Variants in TENM2 observed in about 807,000 individuals in gnomAD.
TENM2 encodes teneurin-2.
Under a neutral mutation model 245.2 loss-of-function variants are expected in TENM2, and 52 were observed. That is an observed-to-expected ratio of 0.21 (90% CI 0.17 to 0.27). The LOEUF (loss-of-function observed/expected upper bound fraction) is 0.27, where lower values mean the gene tolerates loss of function less well. Ranked by LOEUF, TENM2 falls within the 10% of genes least tolerant of loss-of-function variation. TENM2 has a pLI of 1.00. For synonymous variants in TENM2, 1,363 were observed against 1,438.9 expected, an observed-to-expected ratio of 0.95 and a Z score of 1.19; for missense variants, 3,046 against 3,666.8, an observed-to-expected ratio of 0.83 and a Z score of 4.37.
intron 2 of TENM2, among the ~76,000 whole-genome samples, chr5:167,830,247 G>A (rs917007528): frequency 3.3e-5 from 5 of 152,202 alleles, no homozygotes; most frequent in Non-Finnish European, 7.3e-5. Flanking sequence ...CTATTAGAGT[G>A]AGATGTGTTT....
chr5:168,212,840 C>T (rs1006656358), intron 20 of TENM2, among the ~76,000 whole-genome samples: 1 of 152,182 alleles, frequency 6.6e-6, no homozygotes, highest in Non-Finnish European at 1.5e-5. Context: ...ACGTGAGTTT[C>T]TCTGCAAGCA....
intron 2 of TENM2, among the ~76,000 whole-genome samples, chr5:167,833,380 A>G (rs892388927): frequency 5.9e-5 from 9 of 152,216 alleles, no homozygotes; most frequent in African/African-American, 2.2e-4. Flanking sequence ...AGACTCAACC[A>G]GAAGTGTGTC....
intron 2 of TENM2, among the ~76,000 whole-genome samples, chr5:167,637,984 A>T (rs982874247): frequency 6.6e-6 from 1 of 151,998 alleles, no homozygotes; most frequent in African/African-American, 2.4e-5. Flanking sequence ...TAAAAAAAAA[A>T]AAATATTAGA....
At chr5:167,382,245 T>C (rs1254448577) in intron 2 of TENM2, among the ~76,000 whole-genome samples, 2 of 152,188 alleles carry the variant, frequency 1.3e-5, no homozygotes, top group East Asian at 3.9e-4. Flanking sequence ...AAAATGACTT[T>C]GTGCTAATTA....
chr5:167,717,709 G>T (rs1223112383), intron 2 of TENM2, among the ~76,000 whole-genome samples: 2 of 152,124 alleles, frequency 1.3e-5, no homozygotes, highest in Non-Finnish European at 2.9e-5. Context: ...AATCAAAGCT[G>T]CATCGAGAGG....
At chr5:167,215,541 G>C in the TENM2 span, among the ~76,000 whole-genome samples, 1 of 152,276 alleles carries the variant, frequency 6.6e-6, no homozygotes, top group African/African-American at 2.4e-5. Flanking sequence ...CCTGTGCCCT[G>C]TGGGAAGGGG....
chr5:168,059,972 A>G (rs1789890187), intron 6 of TENM2, among the ~76,000 whole-genome samples: 1 of 152,230 alleles, frequency 6.6e-6, no homozygotes, highest in Non-Finnish European at 1.5e-5. Flanking sequence ...ACATTTAGCC[A>G]GTATCAAAGT....
intron 2 of TENM2, among the ~76,000 whole-genome samples, chr5:167,571,605 A>G (rs1213287327): frequency 6.6e-6 from 1 of 152,196 alleles, no homozygotes; most frequent in Non-Finnish European, 1.5e-5. Context: ...AGCGGTAAAA[A>G]TAAACAACAG....
intron 12 of TENM2, among the ~76,000 whole-genome samples, chr5:168,141,467 C>A (rs552384593): frequency 6.6e-6 from 1 of 152,206 alleles, no homozygotes; most frequent in South Asian, 2.1e-4. Flanking sequence ...TATCTACCAG[C>A]TTCCCATCTG....
At chr5:167,184,955 G>C in the TENM2 span, among the ~76,000 whole-genome samples, 1 of 152,192 alleles carries the variant, frequency 6.6e-6, no homozygotes, top group African/African-American at 2.4e-5. Context: ...CGCATGTGCA[G>C]TTCACAATGG....
At chr5:167,390,737 A>G (rs556547462) in intron 2 of TENM2, among the ~76,000 whole-genome samples, 59 of 152,348 alleles carry the variant, frequency 3.9e-4, no homozygotes, top group African/African-American at 1.4e-3. Flanking sequence ...GTACATTTAG[A>G]ATGGAAAAGA....
chr5:167,011,312 T>C, the TENM2 span, among the ~76,000 whole-genome samples: 1 of 152,198 alleles, frequency 6.6e-6, no homozygotes, highest in Non-Finnish European at 1.5e-5. Context: ...CTTTGTACTA[T>C]TAATCCTATT....
At chr5:167,117,490 G>A in the TENM2 span, among the ~76,000 whole-genome samples, 4 of 151,980 alleles carry the variant, frequency 2.6e-5, no homozygotes, top group Non-Finnish European at 5.9e-5. Context: ...GCGACAGAGC[G>A]AGACTCCATC....
intron 3 of TENM2, among the ~76,000 whole-genome samples, chr5:167,907,881 C>T (rs73803270): frequency 0.021 from 3,222 of 151,934 alleles, 116 homozygotes; most frequent in African/African-American, 0.073. Flanking sequence ...AATGATGATG[C>T]CCTAACTTAA....
chr5:167,579,267 T>C (rs1418581871), intron 2 of TENM2, among the ~76,000 whole-genome samples: 2 of 152,206 alleles, frequency 1.3e-5, no homozygotes, highest in Non-Finnish European at 2.9e-5. Flanking sequence ...GTAGCTGGAT[T>C]TTCTTTTCTG....
chr5:167,697,297 C>A (rs1757828897), intron 2 of TENM2, among the ~76,000 whole-genome samples: 1 of 152,196 alleles, frequency 6.6e-6, no homozygotes, highest in Admixed American at 6.5e-5. Flanking sequence ...TTGGCTCCCA[C>A]TTTTAGAAAT....
the TENM2 span, among the ~76,000 whole-genome samples, chr5:167,049,664 A>G: frequency 2.0e-5 from 3 of 152,214 alleles, no homozygotes; most frequent in Non-Finnish European, 2.9e-5. Flanking sequence ...CGTTTATTGA[A>G]TGCTTATTAA....
At chr5:167,897,079 C>T (rs1775283417) in intron 3 of TENM2, among the ~76,000 whole-genome samples, 1 of 152,206 alleles carries the variant, frequency 6.6e-6, no homozygotes, top group Non-Finnish European at 1.5e-5. Context: ...TATCACGCAT[C>T]AAAGAATGGG....
intron 2 of TENM2, among the ~76,000 whole-genome samples, chr5:167,842,518 G>A (rs913494334): frequency 6.7e-6 from 1 of 148,624 alleles, no homozygotes. Context: ...GAGCCTGGAA[G>A]GTGGAGGATG....
Sources: allele counts gnomAD v4.1 joint callset (sites outside exome capture counted in the v4.1 genomes callset), GRCh38; gene constraint gnomAD v4.1.1; transcripts MANE v1.5; gene names NCBI Gene and HGNC (gene_info 2026-07-23, HGNC 2026-07-21).